Variants in LUZP2 observed in about 807,000 individuals in gnomAD.
LUZP2 encodes the protein leucine zipper protein 2.
In LUZP2, 52 loss-of-function variants were observed where a neutral mutation model predicts 51.6. The ratio of observed to expected loss-of-function variants is 1.01; its 90% CI spans 0.81 to 1.27. LUZP2 has a LOEUF of 1.27. LUZP2 is among the 50% of genes most tolerant of loss of function. LUZP2 has a pLI of 0.00. For missense variants in LUZP2, 436 were observed against 395.4 expected (o/e 1.10, Z -0.87); for synonymous variants, 154 against 137.3 (o/e 1.12, Z -0.85).
At chr11:24,995,024 T>C (rs1448263505) in intron 9 of LUZP2, among the ~76,000 whole-genome samples, 2 of 152,232 alleles carry the variant, frequency 1.3e-5, no homozygotes, top group Non-Finnish European at 2.9e-5. Context: ...ATTTTCATTT[T>C]TCATTGTCAT....
At chr11:24,620,878 A>G (rs1854471936) in intron 1 of LUZP2, among the ~76,000 whole-genome samples, 1 of 152,224 alleles carries the variant, frequency 6.6e-6, no homozygotes, top group South Asian at 2.1e-4. Flanking sequence ...GTTCAGTGAG[A>G]ACATATAAGA....
At chr11:24,853,255 T>C (rs895233991) in intron 5 of LUZP2, among the ~76,000 whole-genome samples, 5 of 152,184 alleles carry the variant, frequency 3.3e-5, no homozygotes, top group African/African-American at 1.2e-4. Flanking sequence ...GGAGCTCTTG[T>C]AACATGGGCC....
intron 5 of LUZP2, among the ~76,000 whole-genome samples, chr11:24,805,498 T>C (rs1263072793): frequency 1.3e-5 from 2 of 152,150 alleles, no homozygotes; most frequent in South Asian, 2.1e-4. Flanking sequence ...GCAACTTCTT[T>C]TACTTCATAC....
chr11:24,857,638 C>G (rs1157743427), intron 5 of LUZP2, among the ~76,000 whole-genome samples: 1 of 151,124 alleles, frequency 6.6e-6, no homozygotes, highest in South Asian at 2.1e-4. Context: ...TAGAGTAGTA[C>G]CTGGTACAGT....
chr11:24,944,739 A>G (rs1854854047), intron 7 of LUZP2, among the ~76,000 whole-genome samples: 1 of 152,200 alleles, frequency 6.6e-6, no homozygotes, highest in Admixed American at 6.5e-5. Flanking sequence ...GAGAGAGAAT[A>G]GGGAGTTTCA....
In LUZP2 at chr11:25,008,485, G is replaced by A. The variant is rs560808233; in HGVS notation, c.765+25192G>A. On this transcript the variant is annotated intron_variant, in intron 9 of 11. Transcript: ENST00000336930. Reference sequence around the variant, plus strand: ...TTGTTCCCATCACCTGCAGTGCAGCGAATAAGGGCCTATCACGGCTCATTT... The same window carrying A: ...TTGTTCCCATCACCTGCAGTGCAGCAAATAAGGGCCTATCACGGCTCATTT... Among the ~76,000 whole-genome samples, 58 of 152,272 alleles carry A rather than the reference G, an allele frequency of 3.8e-4. No homozygotes were observed. The South Asian group carries it at 5.2e-3, about 14-fold the overall frequency.
At chr11:24,899,333 T>C (rs1853197696) in intron 5 of LUZP2, among the ~76,000 whole-genome samples, 1 of 151,952 alleles carries the variant, frequency 6.6e-6, no homozygotes, top group South Asian at 2.1e-4. Context: ...TGAGTTGATA[T>C]TGTACCACTT....
intron 1 of LUZP2, among the ~76,000 whole-genome samples, chr11:24,606,301 T>C (rs777086510): frequency 7.9e-5 from 12 of 152,006 alleles, no homozygotes; most frequent in Non-Finnish European, 1.5e-4. Context: ...TATATATTAC[T>C]ATAAAACAGG....
intron 1 of LUZP2, among the ~76,000 whole-genome samples, chr11:24,706,074 G>A (rs1396138804): frequency 6.6e-6 from 1 of 152,140 alleles, no homozygotes; most frequent in African/African-American, 2.4e-5. Flanking sequence ...GAGCTGTGCA[G>A]TGACTTCTAC....
chr11:24,778,467 C>T (rs953691875), intron 5 of LUZP2, among the ~76,000 whole-genome samples: 66 of 151,938 alleles, frequency 4.3e-4, no homozygotes, highest in African/African-American at 1.6e-3. Context: ...TTTGTAATAA[C>T]CTTAAAAATC....
chr11:24,810,543 G>T (rs1849989239), intron 5 of LUZP2, among the ~76,000 whole-genome samples: 1 of 151,788 alleles, frequency 6.6e-6, no homozygotes, highest in Non-Finnish European at 1.5e-5. Context: ...AAATGTTATT[G>T]TCTATCATGT....
At chr11:24,735,523 T>C (rs1252978892) in intron 3 of LUZP2, among the ~76,000 whole-genome samples, 1 of 151,874 alleles carries the variant, frequency 6.6e-6, no homozygotes, top group East Asian at 1.9e-4. Flanking sequence ...TTTACAATAA[T>C]GTTCTCGAAA....
At chr11:24,602,685 C>T (rs1465220963) in intron 1 of LUZP2, among the ~76,000 whole-genome samples, 4 of 151,226 alleles carry the variant, frequency 2.6e-5, no homozygotes, top group Non-Finnish European at 5.9e-5. Context: ...CAAATATCAA[C>T]TCATTTCTAT....
intron 7 of LUZP2, among the ~76,000 whole-genome samples, chr11:24,960,693 A>C (rs1034000576): frequency 2.6e-5 from 4 of 152,010 alleles, no homozygotes; most frequent in African/African-American, 4.8e-5. Context: ...CTTTCAAAAA[A>C]CCAGCTCCTG....
intron 1 of LUZP2, among the ~76,000 whole-genome samples, chr11:24,546,960 TTGTTGGTGGTGGTGGTGG>T (rs1174611718): frequency 1.3e-4 from 8 of 61,990 alleles, no homozygotes; most frequent in African/African-American, 2.5e-4. Context: ...GTTGTTGTTG[TTGTTGGTGGTGGTGGTGG>T]TGGTGGTGGT....
intron 1 of LUZP2, among the ~76,000 whole-genome samples, chr11:24,566,926 TG>T (rs1344290560): frequency 7.2e-4 from 1 of 1,380 alleles, no homozygotes; most frequent in South Asian, 0.025. Context: ...TATGTATATA[TG>T]TATATATATA....
chr11:24,838,575 C>T (rs1304945351), intron 5 of LUZP2, among the ~76,000 whole-genome samples: 2 of 151,540 alleles, frequency 1.3e-5, no homozygotes, highest in African/African-American at 4.8e-5. Flanking sequence ...GACTATTGCC[C>T]TTAGGGAACA....
rs112470126 is a variant in LUZP2, at chr11:24,884,979, T to G, written c.397-21012T>G. 8.5e-5 allele frequency among the ~76,000 whole-genome samples: 13 copies of G among 152,242 alleles called. 1 individual carries two copies. Among genetic ancestry groups the G allele is most frequent in the African/African-American group, 3.1e-4 (13 of 41,574 alleles). On this transcript the variant is annotated intron_variant, in intron 5 of 11. Transcript: ENST00000336930. Reference sequence around the variant, plus strand: ...CTACATTTTTAACCTATCAGAATTATAACTCTCTGATAAGGGAGGGGAATT... The same window carrying G: ...CTACATTTTTAACCTATCAGAATTAGAACTCTCTGATAAGGGAGGGGAATT...
intron 1 of LUZP2, among the ~76,000 whole-genome samples, chr11:24,711,439 G>A (rs1035267006): frequency 2.1e-5 from 3 of 145,634 alleles, no homozygotes; most frequent in Non-Finnish European, 3.0e-5. Context: ...GACAGAGCGA[G>A]ACTCCATCTC....
Sources: gnomAD v4.1 joint callset for allele counts (sites outside exome capture counted in the v4.1 genomes callset) on GRCh38, gnomAD v4.1.1 for gene constraint, MANE v1.5 for transcripts, NCBI Gene and HGNC (gene_info 2026-07-23, HGNC 2026-07-21) for gene names.